Variants in ITGB1 observed in about 807,000 individuals in gnomAD.
ITGB1 encodes integrin beta-1.
ITGB1 carries 24 observed loss-of-function variants against 86.5 expected under a neutral mutation model. The observed-to-expected ratio is 0.28, with a 90% CI of 0.20 to 0.39. The LOEUF (loss-of-function observed/expected upper bound fraction) is 0.39, where lower values mean the gene tolerates loss of function less well. Among genes scored for constraint, ITGB1 ranks in the 10% least tolerant of loss-of-function variants. The pLI is 1.00. For missense variants in ITGB1, 556 were observed against 946.9 expected, an observed-to-expected ratio of 0.59 and a Z score of 5.42; for synonymous variants, 323 against 316.8, an observed-to-expected ratio of 1.02 and a Z score of -0.21.
At position 32,914,881 on chromosome 10, in the gene ITGB1, C is replaced by T. The variant is rs184064947; in HGVS notation, c.1470-2757G>A. Among the ~76,000 whole-genome samples the T allele has an allele frequency of 2.0e-3, 304 of 152,228 alleles. 1 individual carries two copies. The highest frequency in any genetic ancestry group is 6.8e-3 in the Middle Eastern group (2 of 294). Reference sequence around the variant, plus strand: ...ATATACATTCTTCTCAGCCCCACACCGCACTTATTGCAAAACTGACTACAT... The same window carrying T: ...ATATACATTCTTCTCAGCCCCACACTGCACTTATTGCAAAACTGACTACAT... On this transcript the variant is annotated intron_variant, in intron 11 of 15. Transcript: ENST00000302278.
Position 32,929,870 on chromosome 10 carries a change from C to A in ITGB1, c.328G>T (p.Asp110Tyr). 6.2e-7 allele frequency: 1 copy of A among 1,613,666 alleles called. No homozygotes were observed. Among genetic ancestry groups the A allele is most frequent in the African/African-American group, 1.3e-5 (1 of 75,006 alleles). ...KGTAEKLKPE[D>Y]ITQIQPQQLV... ...TGCTGTGGTTGGATCTGAGTAATAT[C>A]CTCTGGCTTGAGCTTCTCTGCTGTT... Residue 110 changes from aspartate (D) to tyrosine (Y), a missense_variant, in exon 4 of 16, where the codon GAT (aspartate) becomes TAT (tyrosine). Transcript: ENST00000302278.
At chr10:32,925,456 A>G (rs1053856082) in intron 6 of ITGB1, among the ~76,000 whole-genome samples, 1 of 152,212 alleles carries the variant, frequency 6.6e-6, no homozygotes, top group Non-Finnish European at 1.5e-5. Flanking sequence ...AAGGAAAATG[A>G]TACAAGACAC....
Position 32,922,492 on chromosome 10 carries a change from A to C in ITGB1, c.1039-146T>G, listed in dbSNP as rs1213405876. ...AGTCAAACCTAGAAACCAGTTTTAT[A>C]ATATGTGATTAAAAATTAATATAAA... On this transcript the variant is annotated intron_variant, in intron 8 of 15. Transcript: ENST00000302278. 7 of 755,080 alleles carry C rather than the reference A, an allele frequency of 9.3e-6. No homozygotes were observed. The African/African-American group carries it at 1.3e-4, about 14-fold the overall frequency. The allele number at this position is 755,080 out of a possible 1,614,324, so 46.8% of individuals were successfully genotyped here. A position where few individuals can be genotyped will look rare whatever the true frequency, so the allele number is the denominator to read the frequency against.
At position 32,911,624 on chromosome 10, in the gene ITGB1, G is replaced by A. The variant is rs764080813; in HGVS notation, c.1755C>T (p.Tyr585=). 26 of 1,614,158 alleles carry A rather than the reference G, an allele frequency of 1.6e-5. No homozygotes were observed. In the South Asian group the frequency reaches 2.6e-4, roughly 16 times the overall value. ...KCRVCECNPN[Y]TGSACDCSLD... Reference sequence around the variant, plus strand: ...AAGAACAGTCACATGCACTGCCAGTGTAGTTGGGGTTGCACTCACACACAC... The same window carrying A: ...AAGAACAGTCACATGCACTGCCAGTATAGTTGGGGTTGCACTCACACACAC... Residue 585 remains tyrosine, a synonymous_variant, in exon 13 of 16, where the codon TAC becomes TAT. Coordinates refer to ENST00000302278, the MANE Select transcript of ITGB1 (RefSeq NM_002211.4).
intron 1 of ITGB1, among the ~76,000 whole-genome samples, chr10:32,944,044 A>G (rs796391924): frequency 5.9e-4 from 90 of 152,334 alleles, no homozygotes; most frequent in African/African-American, 1.8e-3. Context: ...ACAAGAGGGA[A>G]CAGACAAGAA....
chr10:32,928,091 T>C lies in ITGB1; in HGVS notation c.547+3A>G, dbSNP rs2094971071. On this transcript the variant is annotated splice_donor_region_variant and intron_variant, in intron 5 of 15. Coordinates refer to ENST00000302278, the MANE Select transcript of ITGB1 (RefSeq NM_002211.4). Reference sequence around the variant, plus strand: ...AAATGGTCAATGTTCCCAACATTCCTACCAATTCTGAAGTCCGAAGTAATC... The same window carrying C: ...AAATGGTCAATGTTCCCAACATTCCCACCAATTCTGAAGTCCGAAGTAATC... The C allele has an allele frequency of 1.9e-6, 3 of 1,542,500 alleles. No individual in the cohort carries two copies. The highest frequency in any genetic ancestry group is 2.7e-6 in the Non-Finnish European group (3 of 1,127,914).
intron 11 of ITGB1, among the ~76,000 whole-genome samples, chr10:32,916,173 A>G (rs1416639955): frequency 6.6e-6 from 1 of 152,190 alleles, no homozygotes; most frequent in African/African-American, 2.4e-5. Context: ...AAATAATAAG[A>G]GCTATTTATG....
At chr10:32,939,768 G>C (rs1032037065) in intron 1 of ITGB1, among the ~76,000 whole-genome samples, 22 of 149,164 alleles carry the variant, frequency 1.5e-4, no homozygotes, top group African/African-American at 4.5e-4. Flanking sequence ...GAGTGAGTGA[G>C]AGGGGCAAGT....
intron 15 of ITGB1, among the ~76,000 whole-genome samples, chr10:32,903,392 AG>A (rs2094887713): frequency 1.3e-5 from 2 of 151,410 alleles, no homozygotes; most frequent in East Asian, 1.9e-4. Context: ...AAAAGAATTA[AG>A]GGGGCATATG....
Position 32,937,997 on chromosome 10 carries a change from G to A in ITGB1, c.1-2439C>T, listed in dbSNP as rs146002107. On this transcript the variant is annotated intron_variant, in intron 1 of 15. Transcript: ENST00000302278. ...AGCACCCGAGAGAAAAGAGTTAAGC[G>A]TAACGTGAAAAGTCATTCACTTCTG... Among the ~76,000 whole-genome samples, 151 of 152,310 alleles carry A rather than the reference G, an allele frequency of 9.9e-4. 6 individuals carry two copies. The East Asian group carries it at 0.028, about 28-fold the overall frequency.
At chr10:32,916,515 G>T (rs1291578474) in intron 11 of ITGB1, among the ~76,000 whole-genome samples, 1 of 152,096 alleles carries the variant, frequency 6.6e-6, no homozygotes, top group Admixed American at 6.6e-5. Flanking sequence ...AAATCAATGT[G>T]CAAAAATCAC....
chr10:32,925,760 T>A (rs776809289), intron 6 of ITGB1, 111 bp downstream of exon 6: 35 of 736,480 alleles, frequency 4.8e-5, no homozygotes, highest in South Asian at 6.9e-5. Flanking sequence ...TCTAAGATAA[T>A]CAAATCTATG....
At chr10:32,939,719 GGTAAGTGA>G (rs762737083) in intron 1 of ITGB1, among the ~76,000 whole-genome samples, 273 of 108,118 alleles carry the variant, frequency 2.5e-3, no homozygotes, top group Non-Finnish European at 3.8e-3. Context: ...TGGCTGGGTG[GGTAAGTGA>G]GTGAGTGAGT....
chr10:32,922,521 C>T, intron 8 of ITGB1, 119 bp downstream of exon 8: 1 of 772,090 alleles, frequency 1.3e-6, no homozygotes, highest in Non-Finnish European at 2.1e-6. Flanking sequence ...ATATAAACCA[C>T]TTTTGTAAAA....
intron 4 of ITGB1, among the ~76,000 whole-genome samples, chr10:32,928,539 G>A (rs565870934): frequency 1.1e-3 from 162 of 152,156 alleles, no homozygotes; most frequent in Non-Finnish European, 1.8e-3. Flanking sequence ...CAGTTTATAA[G>A]AGAAGAAAAC....
At chr10:32,934,666 T>C (rs2094995043) in intron 2 of ITGB1, among the ~76,000 whole-genome samples, 1 of 152,224 alleles carries the variant, frequency 6.6e-6, no homozygotes, top group Non-Finnish European at 1.5e-5. Flanking sequence ...TTTTACATTG[T>C]TTCATATTTT....
intron 11 of ITGB1, among the ~76,000 whole-genome samples, chr10:32,914,569 C>G (rs571985600): frequency 5.3e-5 from 8 of 152,012 alleles, no homozygotes; most frequent in South Asian, 2.1e-4. Flanking sequence ...GGACAAAGAA[C>G]GCCATTACAT....
At chr10:32,920,454 G>T in intron 9 of ITGB1, 69 bp from the exon 10 acceptor site, 1 of 1,363,866 alleles carries the variant, frequency 7.3e-7, no homozygotes, top group South Asian at 1.3e-5. Context: ...AAAACCAATG[G>T]ATAAACTGCT....
chr10:32,904,347 A>G (rs937011984), intron 15 of ITGB1, among the ~76,000 whole-genome samples: 4 of 152,194 alleles, frequency 2.6e-5, no homozygotes, highest in African/African-American at 7.2e-5. Flanking sequence ...AGCTCAGTAA[A>G]ATGTCATCTT....
Sources: allele counts gnomAD v4.1 joint callset (sites outside exome capture counted in the v4.1 genomes callset), GRCh38; gene constraint gnomAD v4.1.1; transcripts MANE v1.5; gene names NCBI Gene and HGNC (gene_info 2026-07-23, HGNC 2026-07-21).